Variants in NDUFAF6 observed in about 807,000 individuals in gnomAD.
NDUFAF6 encodes the protein NADH:ubiquinone oxidoreductase complex assembly factor 6.
In NDUFAF6, 45 loss-of-function variants were observed where a neutral mutation model predicts 40.8. The ratio of observed to expected loss-of-function variants is 1.10; its 90% CI spans 0.87 to 1.42. NDUFAF6 has a LOEUF of 1.42. Ranked by LOEUF, NDUFAF6 falls within the 40% of genes most tolerant of loss-of-function variation. The pLI is 0.00. For missense variants in NDUFAF6, 435 were observed against 418.5 expected, an observed-to-expected ratio of 1.04 and a Z score of -0.34; for synonymous variants, 185 against 155.9, an observed-to-expected ratio of 1.19 and a Z score of -1.39.
chr8:94,960,792 C>T (rs146800428), intron 1 of NDUFAF6, among the ~76,000 whole-genome samples: 254 of 152,300 alleles, frequency 1.7e-3, no homozygotes, highest in African/African-American at 5.9e-3. Flanking sequence ...GTATTCTGAA[C>T]GTCTGTGGTT....
rs1173779812 is a variant in NDUFAF6, at chr8:95,046,993, G to C, written c.581-1G>C. ...GCCCTGTGTAATTTCTGAAATCATA[G>C]GTATAAAGGATCTTCATGCAGATCA... is the stretch of plus-strand genomic sequence containing the variant. On this transcript the variant is annotated splice_acceptor_variant, in intron 5 of 8. Coordinates refer to ENST00000396124, the MANE Select transcript of NDUFAF6 (RefSeq NM_152416.4). LOFTEE classifies it high-confidence loss of function. 6.2e-7 allele frequency: 1 copy of C among 1,613,904 alleles called. No individual in the cohort carries two copies. Among genetic ancestry groups the C allele is most frequent in the Non-Finnish European group, 8.5e-7 (1 of 1,180,018 alleles).
chr8:94,955,728 A>G (rs1156790738), upstream of NDUFAF6, among the ~76,000 whole-genome samples: 1 of 152,236 alleles, frequency 6.6e-6, no homozygotes, highest in African/African-American at 2.4e-5. Flanking sequence ...TCAAACCATA[A>G]AGTCAACAGC....
chr8:94,940,229 T>G (rs1463666947), intron 1 of NDUFAF6: 1 of 1,597,202 alleles, frequency 6.3e-7, no homozygotes, highest in Non-Finnish European at 8.5e-7. Flanking sequence ...ATCTAGATCG[T>G]AGTCCACATT....
chr8:95,010,425 T>C (rs781472344), intron 2 of NDUFAF6, among the ~76,000 whole-genome samples: 8 of 152,198 alleles, frequency 5.3e-5, no homozygotes, highest in Non-Finnish European at 8.8e-5. Flanking sequence ...ACATATGCTG[T>C]TATGCAAAGT....
intron 1 of NDUFAF6, among the ~76,000 whole-genome samples, chr8:94,898,441 T>C (rs564578797): frequency 6.6e-6 from 1 of 152,320 alleles, no homozygotes; most frequent in African/African-American, 2.4e-5. Context: ...AAACATCAGA[T>C]GAATTCCGGT....
At chr8:95,066,217 T>C (rs1338598181) in intron 9 of NDUFAF6, among the ~76,000 whole-genome samples, 4 of 151,488 alleles carry the variant, frequency 2.6e-5, no homozygotes, top group Admixed American at 2.6e-4. Flanking sequence ...GCTCAAATGA[T>C]CCTCCCACCT....
chr8:95,037,156 A>G (rs1246697499), intron 3 of NDUFAF6, among the ~76,000 whole-genome samples: 1 of 152,194 alleles, frequency 6.6e-6, no homozygotes, highest in African/African-American at 2.4e-5. Context: ...CTCTGTATGA[A>G]TTTTAGCTGC....
At chr8:94,925,196 G>T (rs1210926658) in intron 1 of NDUFAF6, among the ~76,000 whole-genome samples, 1 of 152,208 alleles carries the variant, frequency 6.6e-6, no homozygotes, top group East Asian at 1.9e-4. Context: ...ATAAGCTACA[G>T]TTGTAGAATG....
chr8:95,062,174 T>C (rs941223185), downstream of NDUFAF6, among the ~76,000 whole-genome samples: 15 of 147,570 alleles, frequency 1.0e-4, no homozygotes, highest in African/African-American at 3.3e-4. Context: ...AAAAAAAAAA[T>C]TGTGTTTGGA....
intron 2 of NDUFAF6, among the ~76,000 whole-genome samples, chr8:95,007,392 C>T (rs1827039420): frequency 6.6e-6 from 1 of 151,974 alleles, no homozygotes; most frequent in South Asian, 2.1e-4. Flanking sequence ...GCGCCAGGCA[C>T]ATGACTCATG....
At chr8:95,010,544 CCTTT>C (rs1478583564) in intron 2 of NDUFAF6, among the ~76,000 whole-genome samples, 1 of 152,172 alleles carries the variant, frequency 6.6e-6, no homozygotes, top group East Asian at 1.9e-4. Flanking sequence ...GGGTTTCCCC[CCTTT>C]CTTTCTCTTT....
In NDUFAF6 at chr8:94,897,706, C is replaced by CTTTTTTTTTTTTTTTTTTT. The variant is rs11432186; in HGVS notation, c.-936+1795_-936+1796insTTTTTTTTTTTTTTTTTTT. 1.5e-5 allele frequency among the ~76,000 whole-genome samples: 2 copies of CTTTTTTTTTTTTTTTTTTT among 131,944 alleles called. 1 individual carries two copies. The allele number at this position is 131,944 out of a possible 152,430, so 86.6% of individuals were successfully genotyped here. A position where few individuals can be genotyped will look rare whatever the true frequency, so the allele number is the denominator to read the frequency against. ...GCCCACCCATTTCTTTATTCTGTGC[C>CTTTTTTTTTTTTTTTTTTT]TTTTTTTTTTTTTTTTGTATATCTC... On this transcript the variant is annotated intron_variant, in intron 1 of 14. Coordinates refer to the NDUFAF6 transcript ENST00000396113.
intron 1 of NDUFAF6, chr8:94,926,721 T>C (rs1819932076): frequency 6.6e-6 from 1 of 152,254 alleles, no homozygotes; most frequent in Non-Finnish European, 1.5e-5. Context: ...AAGGATACTG[T>C]TGCACATAAA....
At chr8:94,953,491 G>C (rs1360561906), upstream of NDUFAF6, among the ~76,000 whole-genome samples, 10 of 152,228 alleles carry the variant, frequency 6.6e-5, no homozygotes, top group African/African-American at 2.4e-4. Context: ...GGCGCACTGT[G>C]TGGGGCAGAT....
chr8:94,944,758 T>G (rs549050244), intron 1 of NDUFAF6, among the ~76,000 whole-genome samples: 7 of 152,352 alleles, frequency 4.6e-5, no homozygotes, highest in South Asian at 2.1e-4. Flanking sequence ...GTTCTGGCTG[T>G]GGCTCTACTA....
intron 2 of NDUFAF6, among the ~76,000 whole-genome samples, chr8:95,006,519 A>G (rs1826992944): frequency 6.6e-6 from 1 of 152,154 alleles, no homozygotes; most frequent in Non-Finnish European, 1.5e-5. Flanking sequence ...CTGGTTGAAC[A>G]TTTACAGCTT....
intron 2 of NDUFAF6, among the ~76,000 whole-genome samples, chr8:95,088,736 T>G (rs879926772): frequency 0.31 from 28,923 of 93,002 alleles, 3,156 homozygotes; most frequent in African/African-American, 0.45. Context: ...TGTTTTCTTT[T>G]TGTTTTCTTG....
At chr8:94,896,775 C>T (rs1177557170) in intron 1 of NDUFAF6, 1 of 152,132 alleles carries the variant, frequency 6.6e-6, no homozygotes, top group Non-Finnish European at 1.5e-5. Flanking sequence ...CGCTTGAGGC[C>T]CGGGAAATAG....
chr8:95,074,489 G>A (rs1268986263), intron 9 of NDUFAF6, among the ~76,000 whole-genome samples: 3 of 114,006 alleles, frequency 2.6e-5, no homozygotes, highest in African/African-American at 1.2e-4. Flanking sequence ...GTGGCCCTGG[G>A]TTTCTAACCA....
Sources: gnomAD v4.1 joint callset for allele counts (sites outside exome capture counted in the v4.1 genomes callset) on GRCh38, gnomAD v4.1.1 for gene constraint, MANE v1.5 for transcripts, NCBI Gene and HGNC (gene_info 2026-07-23, HGNC 2026-07-21) for gene names.